TP63: variants seen among roughly 807,000 people sequenced by gnomAD.
The protein encoded by TP63 is tumor protein p63.
In TP63, 17 loss-of-function variants were observed where a neutral mutation model predicts 82.8. The ratio of observed to expected loss-of-function variants is 0.21; its 90% CI spans 0.14 to 0.31. The LOEUF is 0.31. TP63 is among the 10% of genes least tolerant of loss of function. TP63 has a pLI of 1.00. For synonymous variants in TP63, 330 were observed against 321.7 expected, an observed-to-expected ratio of 1.03 and a Z score of -0.28; for missense variants, 648 against 895.3, an observed-to-expected ratio of 0.72 and a Z score of 3.52.
At chr3:189,869,113 A>G (rs1242622035) in intron 8 of TP63, among the ~76,000 whole-genome samples, 6 of 152,200 alleles carry the variant, frequency 3.9e-5, no homozygotes, top group African/African-American at 7.2e-5. Flanking sequence ...CCTTATTGCT[A>G]GGATCACAAT....
intron 3 of TP63, among the ~76,000 whole-genome samples, chr3:189,772,291 C>A (rs954231057): frequency 1.3e-5 from 2 of 152,164 alleles, no homozygotes; most frequent in Non-Finnish European, 2.9e-5. Flanking sequence ...TGCTCTTTAC[C>A]AATAAGGACA....
chr3:189,724,213 TTATGTG>T (rs1719604976), intron 1 of TP63, among the ~76,000 whole-genome samples: 1 of 152,166 alleles, frequency 6.6e-6, no homozygotes, highest in Non-Finnish European at 1.5e-5. Flanking sequence ...AGGAATTCTG[TTATGTG>T]TAGGGATGCG....
At chr3:189,842,097 T>C (rs1369050259) in intron 4 of TP63, among the ~76,000 whole-genome samples, 1 of 152,142 alleles carries the variant, frequency 6.6e-6, no homozygotes, top group East Asian at 1.9e-4. Flanking sequence ...CAAGCCACCC[T>C]TAGGGGGAGG....
intron 1 of TP63, among the ~76,000 whole-genome samples, chr3:189,713,397 G>C (rs551920232): frequency 3.9e-4 from 60 of 152,236 alleles, no homozygotes; most frequent in Non-Finnish European, 6.3e-4. Context: ...ACCATCCTCT[G>C]GTCCTTGAGT....
chr3:189,739,201 T>C (rs1175367472), intron 3 of TP63, among the ~76,000 whole-genome samples: 1 of 152,202 alleles, frequency 6.6e-6, no homozygotes, highest in Non-Finnish European at 1.5e-5. Flanking sequence ...TTGCAACCTC[T>C]GCTTCCCTGA....
rs901263311 is a variant in TP63, at chr3:189,833,674, C to T, written c.579+25148C>T. On this transcript the variant is annotated intron_variant, in intron 4 of 13. Transcript: ENST00000264731. ...TATGTCAAGGGTAGCAATTTTCTCT[C>T]TCTCTTTTTTTTTTTTTTAAAGAAA... is the stretch of plus-strand genomic sequence containing the variant. Among the ~76,000 whole-genome samples, 3 of 94,418 alleles carry T rather than the reference C, an allele frequency of 3.2e-5. No individual in the cohort carries two copies. In the South Asian group the frequency reaches 9.2e-4, roughly 29 times the overall value. The allele number at this position is 94,418 out of a possible 152,430, so 61.9% of individuals were successfully genotyped here.
chr3:189,663,486 C>T (rs1011815810), intron 1 of TP63, among the ~76,000 whole-genome samples: 4 of 148,286 alleles, frequency 2.7e-5, no homozygotes, highest in Non-Finnish European at 6.0e-5. Context: ...ACTAAAACAC[C>T]TAATTCATAA....
At chr3:189,645,455 ATCT>A (rs1712331943) in intron 1 of TP63, 1 of 301,524 alleles carries the variant, frequency 3.3e-6, no homozygotes, top group African/African-American at 2.2e-5. Context: ...GGATTATATG[ATCT>A]TCTTTTTTAA....
chr3:189,792,100 A>G (rs930490583), intron 3 of TP63, among the ~76,000 whole-genome samples: 2 of 152,076 alleles, frequency 1.3e-5, no homozygotes. Flanking sequence ...CTCAAAAACT[A>G]TATAAGAACA....
At chr3:189,596,925 G>A in the TP63 span, among the ~76,000 whole-genome samples, 1 of 151,958 alleles carries the variant, frequency 6.6e-6, no homozygotes, top group Non-Finnish European at 1.5e-5. Context: ...TGGGAGGAAC[G>A]AACAACTCCA....
chr3:189,822,754 G>A lies in TP63; in HGVS notation c.579+14228G>A, dbSNP rs113508495. ...CGGACTCATGCTACAAAATGATAAC[G>A]CTCTTCATCAGTTGTATAGAGCTCC... On this transcript the variant is annotated intron_variant, in intron 4 of 13. Transcript: ENST00000264731. Among the ~76,000 whole-genome samples the A allele has an allele frequency of 7.8e-4, 119 of 152,308 alleles. 1 individual carries two copies. The highest frequency in any genetic ancestry group is 5.4e-3 in the South Asian group (26 of 4,828).
At chr3:189,714,138 A>C (rs780916045) in intron 1 of TP63, among the ~76,000 whole-genome samples, 1 of 152,122 alleles carries the variant, frequency 6.6e-6, no homozygotes, top group East Asian at 1.9e-4. Context: ...ACACCCCGTA[A>C]GTGGAATTGT....
chr3:189,869,923 ATG>A (rs765276018), intron 9 of TP63, among the ~76,000 whole-genome samples: 42 of 152,226 alleles, frequency 2.8e-4, no homozygotes, highest in Middle Eastern at 3.4e-3. Context: ...GAGAGAAAAT[ATG>A]TGTTTTTTAA....
intron 4 of TP63, among the ~76,000 whole-genome samples, chr3:189,810,740 C>T (rs1727454511): frequency 6.6e-6 from 1 of 151,270 alleles, no homozygotes; most frequent in African/African-American, 2.4e-5. Context: ...CCTGTAGTCT[C>T]AGCTACTGGG....
In TP63 at chr3:189,890,834, G is replaced by A. The variant is rs1425837540; in HGVS notation, c.1698G>A (p.Thr566=). 4.3e-6 allele frequency: 7 copies of A among 1,613,948 alleles called. No individual in the cohort carries two copies. Among genetic ancestry groups the A allele is most frequent in the Middle Eastern group, 1.7e-4 (1 of 6,058 alleles). Reference sequence around the variant, plus strand: ...GTTCATCATGTCTGGACTATTTCACGACCCAGGGGCTGACCACCATCTATC... The same window carrying A: ...GTTCATCATGTCTGGACTATTTCACAACCCAGGGGCTGACCACCATCTATC... ...LGCSSCLDYF[T]TQGLTTIYQI... Residue 566 remains threonine, a synonymous_variant, in exon 13 of 14, where the codon ACG becomes ACA. Coordinates refer to ENST00000264731, the MANE Select transcript of TP63 (RefSeq NM_003722.5).
intron 1 of TP63, among the ~76,000 whole-genome samples, chr3:189,631,824 G>A (rs772918764): frequency 2.0e-5 from 3 of 152,008 alleles, no homozygotes; most frequent in Admixed American, 2.0e-4. Flanking sequence ...AAATTATCAC[G>A]CCATTTAAGA....
intron 3 of TP63, among the ~76,000 whole-genome samples, chr3:189,766,290 G>A (rs566887636): frequency 2.4e-4 from 36 of 152,328 alleles, no homozygotes; most frequent in Admixed American, 1.4e-3. Context: ...TAGCTGTAGC[G>A]TGGAATCTAA....
chr3:189,785,613 G>A (rs1056924219), intron 3 of TP63, among the ~76,000 whole-genome samples: 1 of 151,928 alleles, frequency 6.6e-6, no homozygotes, highest in African/African-American at 2.4e-5. Flanking sequence ...CTGAGGGACC[G>A]GAATGAACAG....
chr3:189,802,972 T>C (rs889200430), intron 3 of TP63, among the ~76,000 whole-genome samples: 1 of 152,326 alleles, frequency 6.6e-6, no homozygotes, highest in Non-Finnish European at 1.5e-5. Context: ...TTTACTATTA[T>C]AGATAGTAAT....
Sources: gnomAD v4.1 joint callset for allele counts (sites outside exome capture counted in the v4.1 genomes callset) on GRCh38, gnomAD v4.1.1 for gene constraint, MANE v1.5 for transcripts, NCBI Gene and HGNC (gene_info 2026-07-23, HGNC 2026-07-21) for gene names.